RSF1: variants seen among roughly 807,000 people sequenced by gnomAD.
The protein encoded by RSF1 is remodeling and spacing factor 1, also known as HBV pX-associated protein 8.
Under a neutral mutation model 145.2 loss-of-function variants are expected in RSF1, and 13 were observed. That is an observed-to-expected ratio of 0.09 (90% CI 0.06 to 0.14). The LOEUF is 0.14. RSF1 is among the 10% of genes least tolerant of loss of function. RSF1 has a pLI of 1.00. For missense variants in RSF1, 1,517 were observed against 1,718.2 expected (o/e 0.88, Z 2.07); for synonymous variants, 577 against 592.6 (o/e 0.97, Z 0.38).
intron 5 of RSF1, among the ~76,000 whole-genome samples, chr11:77,710,915 G>C (rs1484626156): frequency 6.6e-6 from 1 of 151,960 alleles, no homozygotes; most frequent in African/African-American, 2.4e-5. Context: ...TTACTACCTG[G>C]AGTGACAAGA....
chr11:77,810,749 AG>A (rs1344839393), intron 1 of RSF1, among the ~76,000 whole-genome samples: 8 of 152,124 alleles, frequency 5.3e-5, no homozygotes, highest in Non-Finnish European at 5.9e-5. Flanking sequence ...AATAGAGACC[AG>A]GTTTCACCAT....
intron 1 of RSF1, among the ~76,000 whole-genome samples, chr11:77,771,173 G>A (rs187436139): frequency 1.4e-3 from 213 of 152,252 alleles, no homozygotes; most frequent in Admixed American, 2.2e-3. Flanking sequence ...GGGGAAGAAC[G>A]GATTTTTTCC....
intron 8 of RSF1, among the ~76,000 whole-genome samples, chr11:77,692,232 A>ATTTTTTTTT (rs1565149884): frequency 1.2e-4 from 7 of 59,738 alleles, no homozygotes; most frequent in Non-Finnish European, 2.1e-4. Flanking sequence ...ACTACTTTTA[A>ATTTTTTTTT]ATTTTTTTTT....
the RSF1 span, chr11:77,866,744 T>A: frequency 2.6e-5 from 4 of 151,920 alleles, no homozygotes; most frequent in Non-Finnish European, 5.9e-5. Flanking sequence ...AAAAAAATAT[T>A]AAAAAAAATA....
intron 2 of RSF1, chr11:77,762,889 G>C (rs1948189799): frequency 6.6e-6 from 1 of 152,148 alleles, no homozygotes; most frequent in East Asian, 1.9e-4. Context: ...CACTGTAAGA[G>C]CCATGTAACA....
intron 11 of RSF1, among the ~76,000 whole-genome samples, chr11:77,678,808 A>C (rs1387904633): frequency 6.6e-6 from 1 of 151,778 alleles, no homozygotes; most frequent in Non-Finnish European, 1.5e-5. Flanking sequence ...TTCCGTGATT[A>C]AGAACACCCT....
At chr11:77,728,726 T>C (rs1253943086) in intron 4 of RSF1, among the ~76,000 whole-genome samples, 10 of 151,930 alleles carry the variant, frequency 6.6e-5, no homozygotes, top group African/African-American at 1.9e-4. Flanking sequence ...AATAGACAAA[T>C]TATAGACACA....
At chr11:77,735,979 C>T (rs1003449827) in intron 4 of RSF1, among the ~76,000 whole-genome samples, 91 of 152,276 alleles carry the variant, frequency 6.0e-4, no homozygotes, top group African/African-American at 1.9e-3. Flanking sequence ...CCTCATGATC[C>T]GCCCGCCTTG....
At chr11:77,698,313 C>T (rs558911039) in intron 7 of RSF1, among the ~76,000 whole-genome samples, 174 bp downstream of exon 7, 1 of 152,158 alleles carries the variant, frequency 6.6e-6, no homozygotes, top group African/African-American at 2.4e-5. Context: ...GGATCTTGAT[C>T]ACTGGCCTTC....
chr11:77,815,337 G>C (rs925575678), intron 1 of RSF1, among the ~76,000 whole-genome samples: 5 of 152,078 alleles, frequency 3.3e-5, no homozygotes, highest in African/African-American at 9.7e-5. Flanking sequence ...AAAGAAAATA[G>C]AAAATACCCT....
rs1199615593 is a variant in RSF1, at chr11:77,820,722, T to C, written c.-8A>G. ...TGCCGCCGCCGTCGCCATTTTGAACTGGAGGATGGAGGAGGAGGCGATGGG... is the reference window on the plus strand; with the variant it reads ...TGCCGCCGCCGTCGCCATTTTGAACCGGAGGATGGAGGAGGAGGCGATGGG... On this transcript the variant is annotated 5_prime_UTR_variant, in exon 1 of 16. Coordinates refer to ENST00000308488, the MANE Select transcript of RSF1 (RefSeq NM_016578.4). 9 of 1,543,544 alleles carry C rather than the reference T, an allele frequency of 5.8e-6. No homozygotes were observed. The highest frequency in any genetic ancestry group is 7.9e-6 in the Non-Finnish European group (9 of 1,144,268).
intron 7 of RSF1, 66 bp from the exon 8 acceptor site, chr11:77,693,677 G>T: frequency 9.2e-7 from 1 of 1,091,948 alleles, no homozygotes; most frequent in South Asian, 1.3e-5. Context: ...GGTTAAAGAC[G>T]TTTCAATATC....
At chr11:77,730,049 T>C (rs910547945) in intron 4 of RSF1, among the ~76,000 whole-genome samples, 2 of 152,128 alleles carry the variant, frequency 1.3e-5, no homozygotes, top group African/African-American at 4.8e-5. Flanking sequence ...AAGAGTTTTA[T>C]ATTAATTAGT....
At chr11:77,830,078 C>T in the RSF1 span, 1 of 152,194 alleles carries the variant, frequency 6.6e-6, no homozygotes, top group African/African-American at 2.4e-5. Flanking sequence ...CTGTGGTAAG[C>T]TGATTGTGCC....
chr11:77,785,557 T>G (rs1242750887), intron 1 of RSF1, among the ~76,000 whole-genome samples: 1 of 149,988 alleles, frequency 6.7e-6, no homozygotes, highest in East Asian at 2.0e-4. Context: ...GCCATTGCAC[T>G]CCAGCCCAGG....
chr11:77,711,974 T>G (rs1331544668), intron 5 of RSF1, among the ~76,000 whole-genome samples: 1 of 149,978 alleles, frequency 6.7e-6, no homozygotes, highest in African/African-American at 2.5e-5. Context: ...CCTCTTAATT[T>G]GGGCTTGTTT....
At chr11:77,710,405 T>C (rs1960651324) in intron 5 of RSF1, among the ~76,000 whole-genome samples, 1 of 152,206 alleles carries the variant, frequency 6.6e-6, no homozygotes, top group Non-Finnish European at 1.5e-5. Context: ...GATAGTTTAG[T>C]TTTACAAGTT....
intron 4 of RSF1, among the ~76,000 whole-genome samples, chr11:77,732,572 G>A (rs1961233455): frequency 6.6e-6 from 1 of 152,160 alleles, no homozygotes; most frequent in South Asian, 2.1e-4. Context: ...ATCTGCTGTG[G>A]GAGGAATCCG....
rs113586470 is a variant in RSF1 at position 77,672,020 on chromosome 11, A to G, written c.3751+22T>C. 1.9e-5 allele frequency: 31 copies of G among 1,593,664 alleles called. No homozygotes were observed. The East Asian group carries it at 2.2e-4, about 11-fold the overall frequency. On this transcript the variant is annotated intron_variant, in intron 15 of 15. Coordinates refer to ENST00000308488, the MANE Select transcript of RSF1 (RefSeq NM_016578.4). ...TATTTTGCCCTGTCCAAACTTCTAT[A>G]TATAGGAGACCTATGCCTTACCTTC...
Sources: allele counts gnomAD v4.1 joint callset (sites outside exome capture counted in the v4.1 genomes callset), GRCh38; gene constraint gnomAD v4.1.1; transcripts MANE v1.5; gene names NCBI Gene and HGNC (gene_info 2026-07-23, HGNC 2026-07-21).